Variants in JAKMIP3 observed in about 807,000 individuals in gnomAD.
The protein encoded by JAKMIP3 is janus kinase and microtubule-interacting protein 3.
JAKMIP3 carries 58 observed loss-of-function variants against 118.5 expected under a neutral mutation model. The ratio of observed to expected loss-of-function variants is 0.49; its 90% CI spans 0.40 to 0.61. The LOEUF is 0.61. Among genes scored for constraint, JAKMIP3 ranks in the 20% least tolerant of loss-of-function variants. The probability of loss-of-function intolerance (pLI) is 0.00; values close to 1 mark genes in which losing one functional copy is unlikely to be tolerated. For synonymous variants in JAKMIP3, 486 were observed against 451.2 expected, an observed-to-expected ratio of 1.08 and a Z score of -0.98; for missense variants, 950 against 1,109.0, an observed-to-expected ratio of 0.86 and a Z score of 2.04.
chr10:132,127,725 G>T (rs930357145), intron 3 of JAKMIP3, among the ~76,000 whole-genome samples: 8 of 151,764 alleles, frequency 5.3e-5, no homozygotes, highest in African/African-American at 1.9e-4. Flanking sequence ...GCCTTGGATG[G>T]GGTTATCCCA....
rs1280327934 is a variant in JAKMIP3, at chr10:132,141,955, G to A, written c.1509G>A (p.Arg503=). 1 of 1,596,820 alleles carries A rather than the reference G, an allele frequency of 6.3e-7. No individual in the cohort carries two copies. The highest frequency in any genetic ancestry group is 8.5e-7 in the Non-Finnish European group (1 of 1,172,226). The stretch of plus-strand genomic sequence containing the variant: ...AGGAGGAGACGGAGCTGAGGTTCCG[G>A]CAGCTGACCATGGAGTACCAGGCCC... ...MAKEETELRF[R]QLTMEYQALQ... is the part of the protein sequence containing the mutation. Residue 503 remains arginine (R), a synonymous_variant, in exon 11 of 24, where the codon CGG becomes CGA. Transcript: ENST00000684848.
At chr10:132,040,501 T>G (rs913438858) in intron 1 of JAKMIP3, among the ~76,000 whole-genome samples, 14 of 152,316 alleles carry the variant, frequency 9.2e-5, no homozygotes, top group African/African-American at 3.4e-4. Flanking sequence ...CATGCTATAA[T>G]CATTTTATAT....
rs536365838 is a variant in JAKMIP3, at chr10:132,130,559, T to A, written c.634-2753T>A. Among the ~76,000 whole-genome samples the A allele has an allele frequency of 3.3e-5, 5 of 152,198 alleles. No homozygotes were observed. The South Asian group carries it at 1.0e-3, about 32-fold the overall frequency. ...GTGAGGGCTCCCTGCACAGGCCCAG[T>A]GTTTGGAAGGATCCTGGCTCCATGG... On this transcript the variant is annotated intron_variant, in intron 3 of 23. Coordinates refer to ENST00000684848, the MANE Select transcript of JAKMIP3 (RefSeq NM_001323087.2).
intron 14 of JAKMIP3, among the ~76,000 whole-genome samples, chr10:132,148,455 G>T (rs1385348131): frequency 6.7e-6 from 1 of 148,904 alleles, no homozygotes; most frequent in Non-Finnish European, 1.5e-5. Context: ...TCCTCCATCT[G>T]CCCGTCCTCC....
intron 1 of JAKMIP3, among the ~76,000 whole-genome samples, chr10:132,093,623 AG>A (rs2043403277): frequency 6.6e-6 from 1 of 152,166 alleles, no homozygotes; most frequent in Non-Finnish European, 1.5e-5. Context: ...CCAATTTTCC[AG>A]GTGCTGTCCA....
chr10:132,059,039 C>T (rs1289263318), intron 1 of JAKMIP3, among the ~76,000 whole-genome samples: 3 of 152,246 alleles, frequency 2.0e-5, no homozygotes, highest in Non-Finnish European at 4.4e-5. Context: ...GTCGGATGCC[C>T]GGCTTGTGTC....
chr10:132,167,815 C>A, intron 22 of JAKMIP3, 138 bp from the exon 23 acceptor site: 1 of 355,190 alleles, frequency 2.8e-6, no homozygotes, highest in Non-Finnish European at 5.2e-6. Flanking sequence ...TCACCCCTCA[C>A]CCCTCGGCCC....
chr10:132,117,070 C>A lies in JAKMIP3; in HGVS notation c.136-7C>A. On this transcript the variant is annotated splice_region_variant and splice_polypyrimidine_tract_variant and intron_variant, in intron 2 of 23. Transcript: ENST00000684848. This position sits in a 1 kb window ranked among gnomAD's most constrained non-coding sequence, Gnocchi z 8.6. ...CTGCCACACTCAGTCTCGCTGTTGT[C>A]TTTCAGGTCAGCAAAGTGGAACGCG... 1.3e-6 allele frequency: 2 copies of A among 1,599,912 alleles called. No homozygotes were observed. The highest frequency in any genetic ancestry group is 2.2e-5 in the South Asian group (2 of 89,974).
chr10:132,127,165 T>G (rs942984207), intron 3 of JAKMIP3, among the ~76,000 whole-genome samples: 20 of 152,066 alleles, frequency 1.3e-4, no homozygotes, highest in African/African-American at 4.8e-4. Context: ...GTAAAATAGA[T>G]TCTTCAAGGA....
intron 1 of JAKMIP3, among the ~76,000 whole-genome samples, chr10:132,079,135 C>T (rs1014013880): frequency 7.2e-6 from 1 of 139,348 alleles, no homozygotes; most frequent in African/African-American, 2.7e-5. Context: ...GCAACGTGGG[C>T]ACCTGGCCTG....
intron 23 of JAKMIP3, among the ~76,000 whole-genome samples, chr10:132,177,902 C>T (rs1344594043): frequency 2.3e-5 from 3 of 130,380 alleles, no homozygotes; most frequent in African/African-American, 9.0e-5. Context: ...CGTGTGTGTG[C>T]ACACTGTGCA....
intron 1 of JAKMIP3, among the ~76,000 whole-genome samples, chr10:132,086,225 G>A (rs903591485): frequency 6.6e-6 from 1 of 152,154 alleles, no homozygotes. Context: ...CTGAGAGAGT[G>A]CTTAGTATAA....
rs200914425 is a variant in JAKMIP3, at chr10:132,172,577, CT to C, written c.*1103+3547del. Among the ~76,000 whole-genome samples the C allele has an allele frequency of 7.3e-3, 1,117 of 152,088 alleles. 13 individuals are homozygous for C. Among genetic ancestry groups the C allele is most frequent in the African/African-American group, 0.025 (1,054 of 41,434 alleles). On this transcript the variant is annotated intron_variant, in intron 23 of 23. Coordinates refer to ENST00000684848, the MANE Select transcript of JAKMIP3 (RefSeq NM_001323087.2). ...AAGACCTGCCCCTTTTCTCCTATTT[CT>C]TTGCTTATGTATCGCACTGTATGCT...
chr10:132,171,866 G>C (rs2059529449), intron 23 of JAKMIP3, among the ~76,000 whole-genome samples: 1 of 152,056 alleles, frequency 6.6e-6, no homozygotes, highest in Non-Finnish European at 1.5e-5. Flanking sequence ...ATGTTGGCCA[G>C]GATGGTCTCA....
chr10:132,127,392 TTGTGTGTG>T (rs145559558), intron 3 of JAKMIP3, among the ~76,000 whole-genome samples: 6 of 146,972 alleles, frequency 4.1e-5, no homozygotes, highest in South Asian at 2.2e-4. Flanking sequence ...CTGGCTAATT[TTGTGTGTG>T]TGTGTGTGTG....
intron 23 of JAKMIP3, among the ~76,000 whole-genome samples, chr10:132,171,946 G>A (rs1245917475): frequency 6.6e-6 from 1 of 152,022 alleles, no homozygotes; most frequent in Non-Finnish European, 1.5e-5. Context: ...GAGCCCCTGC[G>A]CCCGGCCTGT....
In JAKMIP3 at chr10:132,118,666, C is replaced by T. The variant is rs2048096650; in HGVS notation, c.633+1092C>T. ...AAATATGACCTCGCCACAGTGTACA[C>T]GTGGGTGCCCCCAAACGTGCCTAAC... On this transcript the variant is annotated intron_variant, in intron 3 of 23. Coordinates refer to ENST00000684848, the MANE Select transcript of JAKMIP3 (RefSeq NM_001323087.2). This position sits in a 1 kb window ranked among gnomAD's most constrained non-coding sequence, Gnocchi z 4.8. Among the ~76,000 whole-genome samples the T allele has an allele frequency of 6.6e-6, 1 of 152,220 alleles. No individual in the cohort carries two copies. Among genetic ancestry groups the T allele is most frequent in the African/African-American group, 2.4e-5 (1 of 41,456 alleles).
intron 1 of JAKMIP3, among the ~76,000 whole-genome samples, chr10:132,047,466 A>G (rs1260613011): frequency 1.3e-5 from 2 of 152,164 alleles, no homozygotes; most frequent in East Asian, 3.8e-4. Flanking sequence ...GGACCTGCAT[A>G]CTTCAGATAA....
chr10:132,042,214 C>CCTTCCTTCCTTCCTTCCTTA (rs1564848131), intron 1 of JAKMIP3, among the ~76,000 whole-genome samples: 1 of 150,832 alleles, frequency 6.6e-6, no homozygotes, highest in South Asian at 2.1e-4. Flanking sequence ...TTCCTTCCTT[C>CCTTCCTTCCTTCCTTCCTTA]CTTCTTTCCT....
Sources: gnomAD v4.1 joint callset for allele counts (sites outside exome capture counted in the v4.1 genomes callset) on GRCh38, gnomAD v4.1.1 for gene constraint, Gnocchi (gnomAD v3.1) non-coding constraint, MANE v1.5 for transcripts, NCBI Gene and HGNC (gene_info 2026-07-23, HGNC 2026-07-21) for gene names.